The following FMOD variants were observed in gnomAD, a reference collection of about 807,000 sequenced individuals.
FMOD encodes the protein fibromodulin.
In FMOD, 15 loss-of-function variants were observed where a neutral mutation model predicts 27.0. The observed-to-expected ratio is 0.55, with a 90% CI of 0.37 to 0.85. The LOEUF is 0.85. Ranked by LOEUF, FMOD falls within the 40% of genes least tolerant of loss-of-function variation. FMOD has a pLI of 0.00. For missense variants in FMOD, 460 were observed against 483.2 expected (o/e 0.95, Z 0.45); for synonymous variants, 210 against 214.0 (o/e 0.98, Z 0.16).
At position 203,342,194 on chromosome 1, in the gene FMOD, C is replaced by A; in HGVS notation, c.*149G>T. The A allele has an allele frequency of 1.0e-6, 1 of 972,976 alleles. No individual in the cohort carries two copies. The allele number at this position is 972,976 out of a possible 1,614,324, so 60.3% of individuals were successfully genotyped here. On this transcript the variant is annotated 3_prime_UTR_variant, in exon 3 of 3. Transcript: ENST00000354955. ...GGCTGCCTGTCCCTGATCGCCCCCC[C>A]TAACCCCACCTACAGGAAAGAAGAC...
intron 2 of FMOD, among the ~76,000 whole-genome samples, chr1:203,343,653 A>G (rs576693645): frequency 1.4e-4 from 21 of 152,340 alleles, no homozygotes; most frequent in African/African-American, 4.3e-4. Flanking sequence ...AGAGGCATCC[A>G]TCGGCTTGCA....
Position 203,342,283 on chromosome 1 carries a change from C to A in FMOD, c.*60G>T. On this transcript the variant is annotated 3_prime_UTR_variant, in exon 3 of 3. Transcript: ENST00000354955. Reference sequence around the variant, plus strand: ...CCTGGACCTTCCAGCAAAAGCCAAACCAAACCATCAAGCCAAATGCCACGG... The same window carrying A: ...CCTGGACCTTCCAGCAAAAGCCAAAACAAACCATCAAGCCAAATGCCACGG... 1 of 1,566,358 alleles carries A rather than the reference C, an allele frequency of 6.4e-7. No individual in the cohort carries two copies. Among genetic ancestry groups the A allele is most frequent in the Non-Finnish European group, 8.7e-7 (1 of 1,152,516 alleles).
chr1:203,349,440 G>A (rs900144653), intron 1 of FMOD, among the ~76,000 whole-genome samples: 13 of 152,212 alleles, frequency 8.5e-5, no homozygotes, highest in Non-Finnish European at 1.2e-4. Context: ...AAGAGGAAAT[G>A]TGGGTCTGAT....
chr1:203,342,663 A>G (rs1442534762), intron 2 of FMOD, among the ~76,000 whole-genome samples, 169 bp from the exon 3 acceptor site: 1 of 152,208 alleles, frequency 6.6e-6, no homozygotes, highest in Non-Finnish European at 1.5e-5. Flanking sequence ...CACTAGGGGC[A>G]GAACTAGGGA....
intron 2 of FMOD, among the ~76,000 whole-genome samples, chr1:203,345,959 C>A (rs1280043181): frequency 1.3e-5 from 2 of 150,530 alleles, no homozygotes; most frequent in African/African-American, 4.9e-5. Context: ...ATAAAAAGAC[C>A]CCAAAGAAAG....
At chr1:203,345,290 G>A (rs891983595) in intron 2 of FMOD, among the ~76,000 whole-genome samples, 2 of 152,154 alleles carry the variant, frequency 1.3e-5, no homozygotes, top group African/African-American at 4.8e-5. Flanking sequence ...TCTGGAAGAG[G>A]TGGTCCACCT....
In FMOD at chr1:203,342,479, C is replaced by T. The variant is rs143883652; in HGVS notation, c.995G>A (p.Ser332Asn). Residue 332 changes from serine to asparagine, a missense_variant, in exon 3 of 3, where the codon AGC becomes AAC. Transcript: ENST00000354955. ...GNRINEFSIS[S>N]FCTVVDVVNF... Reference sequence around the variant, plus strand: ...CACGACGTCCACCACGGTGCAGAAGCTGCTGATGGAGAACTCTGTGGGGAC... The same window carrying T: ...CACGACGTCCACCACGGTGCAGAAGTTGCTGATGGAGAACTCTGTGGGGAC... The T allele has an allele frequency of 6.2e-7, 1 of 1,613,912 alleles. No homozygotes were observed. The highest frequency in any genetic ancestry group is 2.2e-5 in the East Asian group (1 of 44,874).
chr1:203,347,923 C>T lies in FMOD; in HGVS notation c.348G>A (p.Gln116=), dbSNP rs763208184. Residue 116 remains glutamine, a synonymous_variant, in exon 2 of 3, where the codon CAG becomes CAA. Transcript: ENST00000354955. The part of the protein sequence containing the change: ...RMKYVYFQNN[Q]ITSIQEGVFD... ...AGACGCCTTCCTGGATGGAGGTGATCTGGTTGTTCTGGAAGTACACATACT... is the reference window on the plus strand; with the variant it reads ...AGACGCCTTCCTGGATGGAGGTGATTTGGTTGTTCTGGAAGTACACATACT... The T allele has an allele frequency of 6.2e-7, 1 of 1,612,214 alleles. No individual in the cohort carries two copies. Among genetic ancestry groups the T allele is most frequent in the Non-Finnish European group, 8.5e-7 (1 of 1,178,490 alleles).
intron 2 of FMOD, among the ~76,000 whole-genome samples, chr1:203,345,897 CAA>C (rs58814042): frequency 2.3e-5 from 3 of 129,926 alleles, no homozygotes; most frequent in Admixed American, 7.8e-5. Context: ...GACTCTGTCT[CAA>C]AAAAAAAAAA....
Position 203,347,407 on chromosome 1 carries a change from G to A in FMOD, c.864C>T (p.Asn288=). 6.2e-7 allele frequency: 1 copy of A among 1,614,212 alleles called. No individual in the cohort carries two copies. The highest frequency in any genetic ancestry group is 8.5e-7 in the Non-Finnish European group (1 of 1,180,036). ...NSLTNNGLAS[N]TFNSSSLLEL... is the part of the protein sequence containing the mutation. ...CAAGGAGGCTGCTGGAATTGAAGGT[G>A]TTGGAGGCCAGGCCATTGTTGGTTA... Residue 288 remains asparagine (N), a synonymous_variant, in exon 2 of 3, where the codon AAC becomes AAT. Coordinates refer to ENST00000354955, the MANE Select transcript of FMOD (RefSeq NM_002023.5).
Position 203,347,755 on chromosome 1 carries a change from A to G in FMOD, c.516T>C (p.Gly172=), listed in dbSNP as rs537758246. The G allele has an allele frequency of 4.7e-4, 751 of 1,613,710 alleles. 4 individuals carry two copies. The South Asian group carries it at 8.0e-3, about 17-fold the overall frequency. Residue 172 remains glycine, a synonymous_variant, in exon 2 of 3, where the codon GGT becomes GGC. Coordinates refer to ENST00000354955, the MANE Select transcript of FMOD (RefSeq NM_002023.5). ...LDHNNLTRMP[G]PLPRSLRELH... The stretch of plus-strand genomic sequence containing the variant: ...GCTCTCTCAGGGATCGAGGCAGGGG[A>G]CCGGGCATCCGGGTCAGGTTGTTGT...
At position 203,343,224 on chromosome 1, in the gene FMOD, C is replaced by A. The variant is rs141374551; in HGVS notation, c.980-730G>T. On this transcript the variant is annotated intron_variant, in intron 2 of 2. Transcript: ENST00000354955. ...CCCTTTTTTAAACCTGAAAAGAAGT[C>A]TCCTAAGATTTTCCCCTAAACCGCA... is the stretch of plus-strand genomic sequence containing the variant. Among the ~76,000 whole-genome samples the A allele has an allele frequency of 2.6e-3, 396 of 152,296 alleles. 1 individual carries two copies. The highest frequency in any genetic ancestry group is 8.9e-3 in the African/African-American group (370 of 41,560).
rs761680300 is a variant in FMOD, at chr1:203,342,351, C to T, written c.1123G>A (p.Glu375Lys). 5 of 1,611,594 alleles carry T rather than the reference C, an allele frequency of 3.1e-6. No individual in the cohort carries two copies. The highest frequency in any genetic ancestry group is 2.7e-5 in the African/African-American group (2 of 74,898). ...CCCGGTGCCAGGGCTGCTCAGATCT[C>T]GATGAGGCTGGCAAGGCGCAGGCAG... ...PLCLRLASLI[E>K]I The change falls in exon 3 of 3, where the codon GAG (glutamate) becomes AAG (lysine). Residue 375 changes from glutamate (E) to lysine (K), a missense_variant. By Grantham distance (56) the Glu-to-Lys change is moderately conservative. Coordinates refer to ENST00000354955, the MANE Select transcript of FMOD (RefSeq NM_002023.5).
In FMOD at chr1:203,342,386, T is replaced by A; in HGVS notation, c.1088A>T (p.Asp363Val). 6.2e-7 allele frequency: 1 copy of A among 1,613,666 alleles called. No homozygotes were observed. The highest frequency in any genetic ancestry group is 8.5e-7 in the Non-Finnish European group (1 of 1,179,772). ...NEIKRSAMPADAPLCLRLASL... is the reference protein window; with the variant it reads ...NEIKRSAMPAVAPLCLRLASL... ...GGCAAGGCGCAGGCAGAGGGGCGCG[T>A]CGGCAGGCATGGCGCTGCGCTTGAT... The change falls in exon 3 of 3, where the codon GAC becomes GTC. Residue 363 changes from aspartate to valine, a missense_variant. Asp to Val is a radical substitution (Grantham distance 152, BLOSUM62 -3). Transcript: ENST00000354955.
intron 2 of FMOD, among the ~76,000 whole-genome samples, chr1:203,345,206 T>A (rs139487477): frequency 1.2e-4 from 18 of 151,974 alleles, no homozygotes; most frequent in Admixed American, 3.9e-4. Context: ...CACCGAAAAT[T>A]TGGGGGTTGT....
chr1:203,344,476 A>G (rs1341827239), intron 2 of FMOD, among the ~76,000 whole-genome samples: 1 of 152,152 alleles, frequency 6.6e-6, no homozygotes, highest in African/African-American at 2.4e-5. Context: ...GCCCAAATTA[A>G]ATACTGACAT....
Position 203,342,471 on chromosome 1 carries a change from T to G in FMOD, c.1003A>C (p.Thr335Pro), listed in dbSNP as rs770939371. Residue 335 changes from threonine to proline, a missense_variant, in exon 3 of 3, where the codon ACC becomes CCC. Coordinates refer to ENST00000354955, the MANE Select transcript of FMOD (RefSeq NM_002023.5). The stretch of plus-strand genomic sequence containing the variant: ...GAGAAGTTCACGACGTCCACCACGG[T>G]GCAGAAGCTGCTGATGGAGAACTCT... ...INEFSISSFC[T>P]VVDVVNFSKL... 6.2e-7 allele frequency: 1 copy of G among 1,613,988 alleles called. No homozygotes were observed. Among genetic ancestry groups the G allele is most frequent in the South Asian group, 1.1e-5 (1 of 91,062 alleles).
Position 203,342,201 on chromosome 1 carries a change from C to T in FMOD, c.*142G>A. On this transcript the variant is annotated 3_prime_UTR_variant, in exon 3 of 3. Coordinates refer to ENST00000354955, the MANE Select transcript of FMOD (RefSeq NM_002023.5). ...TGTCCCTGATCGCCCCCCCTAACCC[C>T]ACCTACAGGAAAGAAGACTACAGAG... 1.9e-6 allele frequency: 2 copies of T among 1,032,584 alleles called. No individual in the cohort carries two copies. Among genetic ancestry groups the T allele is most frequent in the Middle Eastern group, 3.3e-4 (1 of 3,024 alleles). 64.0% of individuals were successfully genotyped at this position (1,032,584 alleles called of 1,614,324 possible).
At chr1:203,350,681 C>T (rs1198166474) in intron 1 of FMOD, among the ~76,000 whole-genome samples, 1 of 152,208 alleles carries the variant, frequency 6.6e-6, no homozygotes. Flanking sequence ...ATTGCAGGGA[C>T]ATCCAGGTCT....
Sources: allele counts gnomAD v4.1 joint callset (sites outside exome capture counted in the v4.1 genomes callset), GRCh38; gene constraint gnomAD v4.1.1; transcripts MANE v1.5; gene names NCBI Gene and HGNC (gene_info 2026-07-23, HGNC 2026-07-21).